Variants in CTNNA2 observed in about 807,000 individuals in gnomAD.
The protein encoded by CTNNA2 is catenin alpha 2, also known as catenin alpha-2.
In CTNNA2, 42 loss-of-function variants were observed where a neutral mutation model predicts 101.0. The ratio of observed to expected loss-of-function variants is 0.42; its 90% CI spans 0.32 to 0.54. The LOEUF is 0.54. Ranked by LOEUF, CTNNA2 falls within the 20% of genes least tolerant of loss-of-function variation. CTNNA2 has a pLI of 0.14. For missense variants in CTNNA2, 871 were observed against 1,223.1 expected (o/e 0.71, Z 4.29); for synonymous variants, 450 against 456.4 (o/e 0.99, Z 0.18).
chr2:79,784,831 A>C (rs1226951861), intron 3 of CTNNA2, among the ~76,000 whole-genome samples: 1 of 152,096 alleles, frequency 6.6e-6, no homozygotes, highest in Admixed American at 6.6e-5. Flanking sequence ...AGTGAGCCAC[A>C]AATATACAAC....
At chr2:80,589,897 T>TGC (rs1426212913) in intron 15 of CTNNA2, among the ~76,000 whole-genome samples, 2 of 146,982 alleles carry the variant, frequency 1.4e-5, no homozygotes, top group East Asian at 2.1e-4. Flanking sequence ...TGTGTGTGTG[T>TGC]GTGTGTGTGC....
chr2:80,565,047 A>G (rs1693932712), intron 12 of CTNNA2, among the ~76,000 whole-genome samples: 1 of 152,196 alleles, frequency 6.6e-6, no homozygotes, highest in Non-Finnish European at 1.5e-5. Flanking sequence ...AAATTAAATA[A>G]TTAAAGTGGT....
intron 1 of CTNNA2, among the ~76,000 whole-genome samples, chr2:79,557,154 TG>T (rs1323653267): frequency 6.6e-6 from 1 of 152,064 alleles, no homozygotes; most frequent in Non-Finnish European, 1.5e-5. Flanking sequence ...GTCAGTTTTT[TG>T]TTTATTATTC....
intron 7 of CTNNA2, among the ~76,000 whole-genome samples, chr2:80,270,824 A>G (rs1401670360): frequency 6.6e-6 from 1 of 152,234 alleles, no homozygotes. Flanking sequence ...GTTATTTACA[A>G]TAACAATTCA....
At chr2:79,244,642 CACA>C (rs1674675782) in intron 2 of CTNNA2, among the ~76,000 whole-genome samples, 2 of 152,168 alleles carry the variant, frequency 1.3e-5, no homozygotes, top group African/African-American at 2.4e-5. Context: ...AGACTGGAGA[CACA>C]ACATGTAAGC....
intron 17 of CTNNA2, among the ~76,000 whole-genome samples, chr2:80,610,090 C>T (rs1228374838): frequency 6.6e-6 from 1 of 151,650 alleles, no homozygotes; most frequent in Non-Finnish European, 1.5e-5. Context: ...TGTTGTTCAA[C>T]TTGATAATTA....
intron 1 of CTNNA2, among the ~76,000 whole-genome samples, chr2:79,616,905 C>T (rs1573486569): frequency 1.4e-5 from 2 of 147,518 alleles, no homozygotes; most frequent in Admixed American, 6.6e-5. Flanking sequence ...TATTTTCTTT[C>T]TTTCTTTTTT....
chr2:80,517,759 A>T (rs1376855648), intron 9 of CTNNA2, among the ~76,000 whole-genome samples: 1 of 152,178 alleles, frequency 6.6e-6, no homozygotes, highest in African/African-American at 2.4e-5. Flanking sequence ...TTTTAATAAC[A>T]TTGGAGGCTT....
chr2:79,190,095 T>C (rs1158564417), intron 1 of CTNNA2, among the ~76,000 whole-genome samples: 3 of 152,166 alleles, frequency 2.0e-5, no homozygotes, highest in Non-Finnish European at 4.4e-5. Context: ...TTCAAAATGT[T>C]CCTAATTTCC....
intron 7 of CTNNA2, among the ~76,000 whole-genome samples, chr2:80,331,021 GTTTTTTTTT>G (rs34091714): frequency 7.2e-6 from 1 of 139,680 alleles, no homozygotes. Flanking sequence ...TAAACTGTAT[GTTTTTTTTT>G]TTTTTTTTTC....
intron 2 of CTNNA2, among the ~76,000 whole-genome samples, chr2:79,697,401 C>G (rs1684715202): frequency 6.6e-6 from 1 of 152,074 alleles, no homozygotes; most frequent in African/African-American, 2.4e-5. Flanking sequence ...GCCTGCAGTT[C>G]TGACAGTCTG....
intron 7 of CTNNA2, among the ~76,000 whole-genome samples, chr2:80,267,643 TAAA>T (rs1014937940): frequency 6.6e-6 from 1 of 151,964 alleles, no homozygotes; most frequent in Non-Finnish European, 1.5e-5. Flanking sequence ...AATGAGAACA[TAAA>T]AAAAGGGTTC....
chr2:80,179,827 A>G (rs573509069), intron 7 of CTNNA2, among the ~76,000 whole-genome samples: 17 of 152,296 alleles, frequency 1.1e-4, no homozygotes, highest in African/African-American at 4.1e-4. Context: ...ACTAGCCGTC[A>G]TCTTACCAGT....
intron 7 of CTNNA2, among the ~76,000 whole-genome samples, chr2:80,090,144 CTCTGTGTGTGTGTG>C (rs1477519981): frequency 2.0e-4 from 17 of 86,662 alleles, no homozygotes; most frequent in African/African-American, 5.7e-4. Context: ...CTCTCTCTCT[CTCTGTGTGTGTGTG>C]TGTGTGTGTG....
chr2:79,499,944 G>A (rs1366811843), intron 4 of CTNNA2, among the ~76,000 whole-genome samples: 1 of 152,198 alleles, frequency 6.6e-6, no homozygotes, highest in Non-Finnish European at 1.5e-5. Context: ...CAGGACAGCC[G>A]ACGGTACAGA....
At position 79,982,203 on chromosome 2, in the gene CTNNA2, T is replaced by TA. The variant is rs1232780413; in HGVS notation, c.1056+72407dup. On this transcript the variant is annotated intron_variant, in intron 7 of 18. Transcript: ENST00000402739. ...ACAGGCATGTGCCACTATATATATA[T>TA]ATATATATATATATATATATATATA... Among the ~76,000 whole-genome samples, 34 of 23,414 alleles carry TA rather than the reference T, an allele frequency of 1.5e-3. 1 individual carries two copies. Among genetic ancestry groups the TA allele is most frequent in the African/African-American group, 6.8e-3 (33 of 4,884 alleles). 15.4% of individuals were successfully genotyped at this position (23,414 alleles called of 152,430 possible). A position where few individuals can be genotyped will look rare whatever the true frequency, so the allele number is the denominator to read the frequency against.
intron 7 of CTNNA2, among the ~76,000 whole-genome samples, chr2:80,073,089 G>A (rs1698445717): frequency 6.6e-6 from 1 of 152,352 alleles, no homozygotes; most frequent in East Asian, 1.9e-4. Context: ...AGATGAAATA[G>A]TAAGCACTGA....
intron 8 of CTNNA2, among the ~76,000 whole-genome samples, chr2:80,404,648 T>A (rs1193304849): frequency 6.6e-6 from 1 of 152,186 alleles, no homozygotes; most frequent in African/African-American, 2.4e-5. Context: ...AAGGAGCTAT[T>A]GATTCAGAAA....
intron 9 of CTNNA2, among the ~76,000 whole-genome samples, chr2:80,491,693 G>T (rs1051404629): frequency 6.6e-6 from 1 of 152,134 alleles, no homozygotes; most frequent in Non-Finnish European, 1.5e-5. Flanking sequence ...GAGAGTTCTG[G>T]TTTATACCTG....
Sources: allele counts gnomAD v4.1 joint callset (sites outside exome capture counted in the v4.1 genomes callset), GRCh38; gene constraint gnomAD v4.1.1; transcripts MANE v1.5; gene names NCBI Gene and HGNC (gene_info 2026-07-23, HGNC 2026-07-21).